Variants in ACSBG1 observed in about 807,000 individuals in gnomAD.
ACSBG1 encodes acyl-CoA synthetase bubblegum family member 1.
ACSBG1 carries 39 observed loss-of-function variants against 80.2 expected under a neutral mutation model. That is an observed-to-expected ratio of 0.49 (90% CI 0.38 to 0.64). The LOEUF (loss-of-function observed/expected upper bound fraction) is 0.64, where lower values mean the gene tolerates loss of function less well. ACSBG1 is among the 30% of genes least tolerant of loss of function. ACSBG1 has a pLI of 0.00. For missense variants in ACSBG1, 828 were observed against 966.4 expected, an observed-to-expected ratio of 0.86 and a Z score of 1.90; for synonymous variants, 392 against 379.5, an observed-to-expected ratio of 1.03 and a Z score of -0.38.
intron 1 of ACSBG1, 113 bp from the exon 2 acceptor site, chr15:78,208,215 C>T (rs2075234481): frequency 2.7e-6 from 2 of 752,006 alleles, no homozygotes; most frequent in African/African-American, 3.4e-5. Context: ...ACACTGGCAC[C>T]TCTGTCTCCT....
chr15:78,192,192 C>T (rs1299243172), intron 5 of ACSBG1, among the ~76,000 whole-genome samples: 2 of 152,108 alleles, frequency 1.3e-5, no homozygotes, highest in Non-Finnish European at 2.9e-5. Flanking sequence ...CCTTTTCCAG[C>T]AGCCTTGGCA....
At chr15:78,181,645 C>T (rs2074945904) in intron 8 of ACSBG1, among the ~76,000 whole-genome samples, 1 of 152,054 alleles carries the variant, frequency 6.6e-6, no homozygotes, top group African/African-American at 2.4e-5. Context: ...AGGCACCTGC[C>T]ACCACTCCCA....
chr15:78,179,604 C>T lies in ACSBG1; in HGVS notation c.1430G>A (p.Ser477Asn), dbSNP rs1443227216. 6.2e-7 allele frequency: 1 copy of T among 1,614,182 alleles called. No individual in the cohort carries two copies. The highest frequency in any genetic ancestry group is 1.7e-5 in the Admixed American group (1 of 60,030). The change falls in exon 10 of 14, where the codon AGT (serine) becomes AAT (asparagine). Residue 477 changes from serine to asparagine, a missense_variant. Ser to Asn is a conservative substitution (Grantham distance 46, BLOSUM62 1). Coordinates refer to ENST00000258873, the MANE Select transcript of ACSBG1 (RefSeq NM_015162.5). ...CATGAAGTGGGGGCCTGAGGTCTCA[C>T]TGAGGCCGTAGCCCGCATACAAGCG... Reference protein sequence around the residue: ...NIRLYAGYGLSETSGPHFMSS... With the variant: ...NIRLYAGYGLNETSGPHFMSS...
intron 2 of ACSBG1, 22 bp downstream of exon 2, chr15:78,207,980 C>T (rs368712450): frequency 1.6e-5 from 25 of 1,532,344 alleles, no homozygotes; most frequent in Non-Finnish European, 2.0e-5. Flanking sequence ...CTGCCCCACC[C>T]TACCACCCCC....
chr15:78,228,575 T>C (rs2075422537), intron 1 of ACSBG1, among the ~76,000 whole-genome samples: 1 of 152,218 alleles, frequency 6.6e-6, no homozygotes, highest in East Asian at 1.9e-4. Context: ...GGACTACCGC[T>C]GGCTTGGGCG....
At chr15:78,197,931 G>T (rs903479887) in intron 2 of ACSBG1, among the ~76,000 whole-genome samples, 1 of 152,072 alleles carries the variant, frequency 6.6e-6, no homozygotes, top group Non-Finnish European at 1.5e-5. Flanking sequence ...AGAAGCTCAC[G>T]CTCCTCTGTA....
At chr15:78,193,416 T>C in intron 5 of ACSBG1, 90 bp downstream of exon 5, 2 of 1,520,502 alleles carry the variant, frequency 1.3e-6, no homozygotes, top group Non-Finnish European at 1.8e-6. Flanking sequence ...ACACTCTGGA[T>C]GGAGGGCGGG....
intron 1 of ACSBG1, among the ~76,000 whole-genome samples, chr15:78,218,084 C>T (rs1232145081): frequency 2.0e-5 from 3 of 152,118 alleles, no homozygotes; most frequent in Non-Finnish European, 4.4e-5. Flanking sequence ...TCCTAAGTAC[C>T]GCAAGCGTGA....
intron 2 of ACSBG1, among the ~76,000 whole-genome samples, chr15:78,197,787 A>C (rs2075128864): frequency 6.6e-6 from 1 of 151,020 alleles, no homozygotes; most frequent in Non-Finnish European, 1.5e-5. Flanking sequence ...ATCTTGTGCA[A>C]TGGCCCTCAG....
intron 1 of ACSBG1, among the ~76,000 whole-genome samples, chr15:78,226,802 AAT>A (rs1555434841): frequency 7.1e-6 from 1 of 141,340 alleles, no homozygotes. Flanking sequence ...ATATATATAT[AAT>A]ATATATATAT....
chr15:78,180,323 T>A (rs1272484247), intron 9 of ACSBG1, among the ~76,000 whole-genome samples: 1 of 152,118 alleles, frequency 6.6e-6, no homozygotes, highest in African/African-American at 2.4e-5. Flanking sequence ...TGACCCTCCA[T>A]AGAACTATGT....
At chr15:78,226,570 CA>C in intron 1 of ACSBG1, 1 of 195,126 alleles carries the variant, frequency 5.1e-6, no homozygotes, top group South Asian at 7.1e-5. Context: ...GCCAGGAGTT[CA>C]AGGCCAGCCT....
At chr15:78,215,784 A>AAGAAAGAAAGAAAG (rs1555434060) in intron 1 of ACSBG1, among the ~76,000 whole-genome samples, 2 of 136,288 alleles carry the variant, frequency 1.5e-5, no homozygotes, top group African/African-American at 5.6e-5. Flanking sequence ...GAAAGAAAGA[A>AAGAAAGAAAGAAAG]AGAGAAAGAA....
At chr15:78,174,574 C>A (rs139784767) in intron 11 of ACSBG1, 50 bp from the exon 12 acceptor site, 4 of 1,577,540 alleles carry the variant, frequency 2.5e-6, no homozygotes, top group Non-Finnish European at 3.4e-6. Context: ...CCAGGTGCCC[C>A]AGCTGAACCA....
chr15:78,181,202 TAACTTAG>T, intron 8 of ACSBG1: 1 of 445,704 alleles, frequency 2.2e-6, no homozygotes, highest in Admixed American at 3.8e-5. Flanking sequence ...TCCATGAGTC[TAACTTAG>T]ACACAAGAAT....
chr15:78,220,445 C>T (rs780030311), intron 1 of ACSBG1, among the ~76,000 whole-genome samples: 4 of 151,904 alleles, frequency 2.6e-5, no homozygotes, highest in South Asian at 2.1e-4. Flanking sequence ...GGTTAAAAAG[C>T]GCACAAACAA....
chr15:78,207,838 G>A, intron 2 of ACSBG1, 164 bp downstream of exon 2: 1 of 616,554 alleles, frequency 1.6e-6, no homozygotes, highest in South Asian at 1.9e-5. Context: ...AGCCATGAAG[G>A]AAGGGGCTTG....
intron 12 of ACSBG1, 47 bp downstream of exon 12, chr15:78,174,338 A>G: frequency 6.2e-7 from 1 of 1,613,356 alleles, no homozygotes; most frequent in Non-Finnish European, 8.5e-7. Flanking sequence ...AGACCCACAG[A>G]CCCCCTCACT....
chr15:78,229,021 T>TTGAAATTTGAAA (rs2075425938), intron 1 of ACSBG1, among the ~76,000 whole-genome samples: 1 of 152,222 alleles, frequency 6.6e-6, no homozygotes, highest in African/African-American at 2.4e-5. Context: ...AACATAAAAT[T>TTGAAATTTGAAA]TTCCATTTGA....
Sources: gnomAD v4.1 joint callset for allele counts (sites outside exome capture counted in the v4.1 genomes callset) on GRCh38, gnomAD v4.1.1 for gene constraint, MANE v1.5 for transcripts, NCBI Gene and HGNC (gene_info 2026-07-23, HGNC 2026-07-21) for gene names.